Variants in NELL2 observed in about 807,000 individuals in gnomAD.
The protein encoded by NELL2 is protein kinase C-binding protein NELL2.
Under a neutral mutation model 109.6 loss-of-function variants are expected in NELL2, and 41 were observed. The ratio of observed to expected loss-of-function variants is 0.37; its 90% CI spans 0.29 to 0.49. The LOEUF (loss-of-function observed/expected upper bound fraction) is 0.49, where lower values mean the gene tolerates loss of function less well. Among genes scored for constraint, NELL2 ranks in the 20% least tolerant of loss-of-function variants. NELL2 has a pLI of 0.98. For missense variants in NELL2, 900 were observed against 1,008.3 expected, an observed-to-expected ratio of 0.89 and a Z score of 1.45; for synonymous variants, 355 against 344.7, an observed-to-expected ratio of 1.03 and a Z score of -0.33.
At chr12:44,681,877 T>C (rs1474861250) in intron 12 of NELL2, among the ~76,000 whole-genome samples, 1 of 151,666 alleles carries the variant, frequency 6.6e-6, no homozygotes, top group Non-Finnish European at 1.5e-5. Context: ...GCAATAAACA[T>C]ACGTGTGCAT....
At chr12:44,790,703 A>G (rs1234503922) in intron 3 of NELL2, among the ~76,000 whole-genome samples, 1 of 152,030 alleles carries the variant, frequency 6.6e-6, no homozygotes, top group African/African-American at 2.4e-5. Context: ...AATGCTCCAC[A>G]TAAGAGATAC....
chr12:44,858,802 A>G (rs73279189), intron 2 of NELL2, among the ~76,000 whole-genome samples: 6,666 of 152,320 alleles, frequency 0.044, 309 homozygotes, highest in African/African-American at 0.12. Flanking sequence ...AAATGACACA[A>G]AAAGGCCCTA....
At chr12:44,621,267 C>T (rs926686761) in intron 13 of NELL2, among the ~76,000 whole-genome samples, 1 of 152,158 alleles carries the variant, frequency 6.6e-6, no homozygotes, top group South Asian at 2.1e-4. Context: ...TTGAGACTCT[C>T]TCAGTCTCAT....
intron 19 of NELL2, among the ~76,000 whole-genome samples, chr12:44,513,520 G>T (rs1941095171): frequency 6.6e-6 from 1 of 151,848 alleles, no homozygotes; most frequent in African/African-American, 2.4e-5. Context: ...GCTCAAAAAT[G>T]TTAAAAGATA....
At chr12:44,686,770 G>T (rs770830701) in intron 12 of NELL2, among the ~76,000 whole-genome samples, 1 of 152,198 alleles carries the variant, frequency 6.6e-6, no homozygotes, top group Non-Finnish European at 1.5e-5. Flanking sequence ...CAGTCTGTCC[G>T]TTCTCAGATC....
chr12:44,517,410 TCTCTCTCTCTC>T (rs1232157335), intron 19 of NELL2, among the ~76,000 whole-genome samples: 17 of 144,410 alleles, frequency 1.2e-4, no homozygotes, highest in Admixed American at 1.0e-3. Context: ...TCTCTCTCTC[TCTCTCTCTCTC>T]GTTCCCACTC....
At chr12:44,631,522 G>A (rs1407369193) in intron 13 of NELL2, among the ~76,000 whole-genome samples, 1 of 151,986 alleles carries the variant, frequency 6.6e-6, no homozygotes. Flanking sequence ...AGCGGACACT[G>A]GGGTCTACTA....
At chr12:44,716,832 A>G (rs923734146) in intron 9 of NELL2, among the ~76,000 whole-genome samples, 3 of 152,138 alleles carry the variant, frequency 2.0e-5, no homozygotes, top group African/African-American at 7.2e-5. Context: ...ACATTGTAAA[A>G]AAAACACAAG....
At chr12:44,770,878 TC>T (rs1200080610) in intron 9 of NELL2, among the ~76,000 whole-genome samples, 2 of 152,158 alleles carry the variant, frequency 1.3e-5, no homozygotes, top group Non-Finnish European at 2.9e-5. Flanking sequence ...GAATCTACAA[TC>T]AATATAAATA....
At chr12:44,656,369 C>A (rs1482690906) in intron 13 of NELL2, among the ~76,000 whole-genome samples, 2 of 152,118 alleles carry the variant, frequency 1.3e-5, no homozygotes, top group Non-Finnish European at 2.9e-5. Context: ...GTCGAATAAA[C>A]AATAACACAT....
At chr12:44,532,491 A>G in intron 16 of NELL2, 90 bp downstream of exon 16, 2 of 1,332,230 alleles carry the variant, frequency 1.5e-6, no homozygotes, top group South Asian at 1.6e-5. Flanking sequence ...AAACACTAAC[A>G]TTGGCTCAAT....
chr12:44,656,465 G>C (rs1947503334), intron 13 of NELL2, among the ~76,000 whole-genome samples: 1 of 152,166 alleles, frequency 6.6e-6, no homozygotes, highest in African/African-American at 2.4e-5. Flanking sequence ...AGTTGAAAGG[G>C]TCCCAGTGAG....
chr12:44,611,009 T>C, intron 13 of NELL2, 39 bp from the exon 14 acceptor site: 1 of 1,601,504 alleles, frequency 6.2e-7, no homozygotes, highest in Non-Finnish European at 8.5e-7. Context: ...CAAAGTTATA[T>C]TTCCAAAGCT....
chr12:44,551,320 T>C (rs537396843), intron 15 of NELL2, among the ~76,000 whole-genome samples: 8 of 152,340 alleles, frequency 5.3e-5, no homozygotes, highest in Non-Finnish European at 8.8e-5. Flanking sequence ...TTCTGATTTA[T>C]TCACCCTTAA....
intron 2 of NELL2, among the ~76,000 whole-genome samples, chr12:44,845,854 A>C (rs2055675): frequency 6.6e-6 from 1 of 152,060 alleles, no homozygotes; most frequent in Non-Finnish European, 1.5e-5. Context: ...AATTCAATTT[A>C]CCTCCACTTC....
chr12:44,817,466 CAG>C (rs1167037534), intron 2 of NELL2, among the ~76,000 whole-genome samples: 1 of 152,128 alleles, frequency 6.6e-6, no homozygotes, highest in Non-Finnish European at 1.5e-5. Flanking sequence ...GAAATGCTCT[CAG>C]AGAGGTAGGT....
Position 44,843,283 on chromosome 12 carries a change from G to A in NELL2, c.185-27147C>T, listed in dbSNP as rs943746867. ...ACTTCATAAAGGAATCTATTGGAATGGCAAATAAATACATGAAAAAGTACT... is the reference window on the plus strand; with the variant it reads ...ACTTCATAAAGGAATCTATTGGAATAGCAAATAAATACATGAAAAAGTACT... On this transcript the variant is annotated intron_variant, in intron 2 of 19. Coordinates refer to ENST00000429094, the MANE Select transcript of NELL2 (RefSeq NM_001145108.2). Among the ~76,000 whole-genome samples the A allele has an allele frequency of 5.7e-4, 87 of 151,818 alleles. 2 individuals carry two copies. Among genetic ancestry groups the A allele is most frequent in the Non-Finnish European group, 1.3e-4 (9 of 67,966 alleles).
intron 13 of NELL2, among the ~76,000 whole-genome samples, chr12:44,631,482 T>C (rs1651558600): frequency 6.6e-6 from 1 of 151,996 alleles, no homozygotes; most frequent in African/African-American, 2.4e-5. Context: ...TTTATATGCA[T>C]TCATTAGTCA....
intron 10 of NELL2, among the ~76,000 whole-genome samples, chr12:44,713,225 CAG>C (rs920267469): frequency 1.0e-3 from 132 of 126,566 alleles, no homozygotes; most frequent in Middle Eastern, 3.8e-3. Flanking sequence ...CAGAGAGAGA[CAG>C]AGAGAGAGAG....
Sources: allele counts gnomAD v4.1 joint callset (sites outside exome capture counted in the v4.1 genomes callset), GRCh38; gene constraint gnomAD v4.1.1; transcripts MANE v1.5; gene names NCBI Gene and HGNC (gene_info 2026-07-23, HGNC 2026-07-21).